The following PCDHGA11 variants were observed in gnomAD, a reference collection of about 807,000 sequenced individuals.
PCDHGA11 encodes the protein protocadherin gamma subfamily A, 11.
In PCDHGA11, 39 loss-of-function variants were observed where a neutral mutation model predicts 60.4. The observed-to-expected ratio is 0.65, with a 90% confidence interval of 0.50 to 0.84. The LOEUF is 0.84. Ranked by LOEUF, PCDHGA11 falls within the 40% of genes least tolerant of loss-of-function variation. The pLI, the probability that PCDHGA11 is intolerant of heterozygous loss-of-function variation, is 0.00. For missense variants in PCDHGA11, 1,165 were observed against 1,197.7 expected (o/e 0.97, Z 0.40); for synonymous variants, 533 against 510.3 (o/e 1.04, Z -0.60).
intron 1 of PCDHGA11, among the ~76,000 whole-genome samples, chr5:141,454,796 ATTTTTTTTTTT>A (rs61612330): frequency 0.01 from 775 of 77,498 alleles, 10 homozygotes; most frequent in African/African-American, 0.043. Context: ...CATGGTTCTA[ATTTTTTTTTTT>A]TTTTTTTTTT....
At chr5:141,506,597 C>T (rs937487600) in intron 3 of PCDHGA11, among the ~76,000 whole-genome samples, 4 of 152,150 alleles carry the variant, frequency 2.6e-5, no homozygotes, top group Admixed American at 6.5e-5. Context: ...ACAGTATTAA[C>T]GGATCTCATT....
Position 141,490,672 on chromosome 5 carries a change from G to T in PCDHGA11, c.2434-4135G>T. The T allele has an allele frequency of 6.2e-7, 1 of 1,614,114 alleles. No homozygotes were observed. Among genetic ancestry groups the T allele is most frequent in the Non-Finnish European group, 8.5e-7 (1 of 1,179,996 alleles). ...GGGCTCCCTTCTTTGCACTGTGGCT[G>T]CCTCAGATCCAGACACTGGGGATAA... On this transcript the variant is annotated intron_variant, in intron 1 of 3. Coordinates refer to ENST00000398587, the MANE Select transcript of PCDHGA11 (RefSeq NM_018914.3). The surrounding 1 kb of genome is among the most constrained non-coding windows in gnomAD (Gnocchi z 5.4).
At chr5:141,449,148 T>C (rs570694341) in intron 1 of PCDHGA11, among the ~76,000 whole-genome samples, 20 of 152,268 alleles carry the variant, frequency 1.3e-4, no homozygotes, top group African/African-American at 4.8e-4. Flanking sequence ...AATTGCTGGG[T>C]CAAAGAGGAA....
chr5:141,448,335 A>T (rs567377336), intron 1 of PCDHGA11, among the ~76,000 whole-genome samples: 1 of 152,108 alleles, frequency 6.6e-6, no homozygotes, highest in Non-Finnish European at 1.5e-5. Flanking sequence ...CTTTATAGCC[A>T]TGTACCTCAA....
At position 141,476,001 on chromosome 5, in the gene PCDHGA11, C is replaced by G; in HGVS notation, c.2434-18806C>G. The G allele has an allele frequency of 8.1e-7, 1 of 1,235,348 alleles. No homozygotes were observed. Among genetic ancestry groups the G allele is most frequent in the Non-Finnish European group, 1.1e-6 (1 of 894,008 alleles). 76.5% of individuals were successfully genotyped at this position (1,235,348 alleles called of 1,614,324 possible). On this transcript the variant is annotated intron_variant, in intron 1 of 3. Transcript: ENST00000398587. The surrounding 1 kb of genome is among the most constrained non-coding windows in gnomAD (Gnocchi z 7.6). ...CAGCCGGCGAGCAAATCAACGGCATCCAGAAAGCCATGTCGGACTCGGCGC... is the reference window on the plus strand; with the variant it reads ...CAGCCGGCGAGCAAATCAACGGCATGCAGAAAGCCATGTCGGACTCGGCGC...
chr5:141,485,986 G>T lies in PCDHGA11; in HGVS notation c.2434-8821G>T, dbSNP rs2099622467. The T allele has an allele frequency of 1.2e-6, 2 of 1,614,084 alleles. No homozygotes were observed. Among genetic ancestry groups the T allele is most frequent in the African/African-American group, 1.3e-5 (1 of 74,936 alleles). On this transcript the variant is annotated intron_variant, in intron 1 of 3. Transcript: ENST00000398587. This position sits in a 1 kb window ranked among gnomAD's most constrained non-coding sequence, Gnocchi z 5.7. ...AGCTCAATGCCTCAGACCCGGACCT[G>T]GGTCCCAGTGGTAACGTCACCTTTT...
rs1452737362 is a variant in PCDHGA11, at chr5:141,432,324, A to G, written c.2433+8664A>G. On this transcript the variant is annotated intron_variant, in intron 1 of 3. Transcript: ENST00000398587. The surrounding 1 kb of genome is among the most constrained non-coding windows in gnomAD (Gnocchi z 6.0). ...CTGTATGCGCTGAGCTCCTTCGACTACGAGCAGTTCCGAGACTTGCAAGTG... is the reference window on the plus strand; with the variant it reads ...CTGTATGCGCTGAGCTCCTTCGACTGCGAGCAGTTCCGAGACTTGCAAGTG... 3 of 1,614,058 alleles carry G rather than the reference A, an allele frequency of 1.9e-6. No homozygotes were observed. The highest frequency in any genetic ancestry group is 2.7e-5 in the African/African-American group (2 of 74,910).
chr5:141,491,869 G>C lies in PCDHGA11; in HGVS notation c.2434-2938G>C. On this transcript the variant is annotated intron_variant, in intron 1 of 3. Transcript: ENST00000398587. This position sits in a 1 kb window ranked among gnomAD's most constrained non-coding sequence, Gnocchi z 6.9. ...GGACCGTTTGCGCGAAACCAGAGTG[G>C]CCGATTAAGGGATGGGGCTCCGAGC... The C allele has an allele frequency of 6.9e-7, 1 of 1,453,094 alleles. No homozygotes were observed. Among genetic ancestry groups the C allele is most frequent in the South Asian group, 1.5e-5 (1 of 68,080 alleles). 90.0% of individuals were successfully genotyped at this position (1,453,094 alleles called of 1,614,324 possible).
In PCDHGA11 at chr5:141,490,794, C is replaced by G. The variant is rs763933771; in HGVS notation, c.2434-4013C>G. The G allele has an allele frequency of 5.0e-6, 8 of 1,613,976 alleles. No individual in the cohort carries two copies. In the South Asian group the frequency reaches 7.7e-5, roughly 16 times the overall value. ...ACCCAGAGGATGGACGGATCTTTGCCCAGCGTACCTTTGACTATGAATTGC... is the reference window on the plus strand; with the variant it reads ...ACCCAGAGGATGGACGGATCTTTGCGCAGCGTACCTTTGACTATGAATTGC... On this transcript the variant is annotated intron_variant, in intron 1 of 3. Transcript: ENST00000398587. The surrounding 1 kb of genome is among the most constrained non-coding windows in gnomAD (Gnocchi z 5.4).
chr5:141,470,872 TTTTTTG>T (rs900302332), intron 1 of PCDHGA11, among the ~76,000 whole-genome samples: 3 of 151,814 alleles, frequency 2.0e-5, no homozygotes, highest in African/African-American at 4.8e-5. Context: ...GTTTGTTTGT[TTTTTTG>T]TTTTTGTTTT....
At chr5:141,510,169 A>G (rs927072830) in intron 3 of PCDHGA11, among the ~76,000 whole-genome samples, 7 of 151,230 alleles carry the variant, frequency 4.6e-5, no homozygotes, top group Non-Finnish European at 1.0e-4. Context: ...GCTACTCAGG[A>G]GGTTGAGGCA....
rs1488305057 is a variant in PCDHGA11, at chr5:141,477,736, C to G, written c.2434-17071C>G. 6.2e-7 allele frequency: 1 copy of G among 1,613,790 alleles called. No homozygotes were observed. The highest frequency in any genetic ancestry group is 1.1e-5 in the South Asian group (1 of 91,088). On this transcript the variant is annotated intron_variant, in intron 1 of 3. Coordinates refer to ENST00000398587, the MANE Select transcript of PCDHGA11 (RefSeq NM_018914.3). This position sits in a 1 kb window ranked among gnomAD's most constrained non-coding sequence, Gnocchi z 4.9. ...AATTTGAATTAACAGCTCATATCAG[C>G]GATGGGGGCACCCCGGTCCTAGCCA...
Position 141,432,036 on chromosome 5 carries a change from AC to A in PCDHGA11, c.2433+8378del, listed in dbSNP as rs1419691535. The A allele has an allele frequency of 6.2e-7, 1 of 1,614,218 alleles. No individual in the cohort carries two copies. The highest frequency in any genetic ancestry group is 1.3e-5 in the African/African-American group (1 of 75,048). On this transcript the variant is annotated intron_variant, in intron 1 of 3. Coordinates refer to ENST00000398587, the MANE Select transcript of PCDHGA11 (RefSeq NM_018914.3). This position sits in a 1 kb window ranked among gnomAD's most constrained non-coding sequence, Gnocchi z 6.0. ...TACAACATCACAGTGACCGCCACTG[AC>A]CGGGGAACCCCGCCCCTATCCACGG...
At chr5:141,424,245 A>T (rs1196753393) in intron 1 of PCDHGA11, 3 of 155,310 alleles carry the variant, frequency 1.9e-5, no homozygotes, top group African/African-American at 7.2e-5. Context: ...GGTGGCTGGT[A>T]ATATGCTTAG....
At chr5:141,448,305 A>C (rs910461420) in intron 1 of PCDHGA11, among the ~76,000 whole-genome samples, 1 of 152,092 alleles carries the variant, frequency 6.6e-6, no homozygotes, top group East Asian at 1.9e-4. Context: ...TTAATATCTC[A>C]AGGAATCTTT....
intron 1 of PCDHGA11, among the ~76,000 whole-genome samples, chr5:141,460,418 G>C (rs905215023): frequency 3.3e-5 from 5 of 152,096 alleles, no homozygotes; most frequent in Admixed American, 6.5e-5. Flanking sequence ...TGATGTTTAT[G>C]TATGGTGTAT....
Position 141,422,832 on chromosome 5 carries a change from A to G in PCDHGA11, c.1605A>G (p.Ala535=), listed in dbSNP as rs12520854. Residue 535 remains alanine (A), a synonymous_variant, in exon 1 of 4, where the codon GCA becomes GCG. Coordinates refer to ENST00000398587, the MANE Select transcript of PCDHGA11 (RefSeq NM_018914.3). Reference sequence around the variant, plus strand: ...GAGACTTAGAACTGAGAGTGATAGCACGTGACAGCGGGGACCCGCCCCTCA... The same window carrying G: ...GAGACTTAGAACTGAGAGTGATAGCGCGTGACAGCGGGGACCCGCCCCTCA... ...QFRDLELRVI[A]RDSGDPPLSS... The G allele has an allele frequency of 6.8e-3, 10,902 of 1,614,192 alleles. 60 individuals are homozygous for G. The highest frequency in any genetic ancestry group is 7.9e-3 in the Non-Finnish European group (9,294 of 1,180,036).
In PCDHGA11 at chr5:141,512,470, T is replaced by G. The variant is rs2099884244; in HGVS notation, c.*1297T>G. On this transcript the variant is annotated 3_prime_UTR_variant, in exon 4 of 4. Transcript: ENST00000398587. ...TTCACCTTGCCAGGTGCCGTTTCTC[T>G]TCCGTGAAGGCCACTGCCCAGGTCC... 6.5e-6 allele frequency: 1 copy of G among 152,892 alleles called. No individual in the cohort carries two copies. The highest frequency in any genetic ancestry group is 2.1e-4 in the South Asian group (1 of 4,834). 9.5% of individuals were successfully genotyped at this position (152,892 alleles called of 1,614,324 possible).
intron 1 of PCDHGA11, among the ~76,000 whole-genome samples, chr5:141,449,391 G>A (rs1020753910): frequency 1.3e-5 from 2 of 151,876 alleles, no homozygotes; most frequent in Non-Finnish European, 2.9e-5. Context: ...TGGATTACTT[G>A]AGGCCAGGAG....
Sources: allele counts gnomAD v4.1 joint callset (sites outside exome capture counted in the v4.1 genomes callset), GRCh38; gene constraint gnomAD v4.1.1; non-coding constraint Gnocchi (gnomAD v3.1); transcripts MANE v1.5; gene names NCBI Gene and HGNC (gene_info 2026-07-23, HGNC 2026-07-21).